The following BRCA2 variants were observed in gnomAD, a reference collection of about 807,000 sequenced individuals.
BRCA2 encodes breast cancer type 2 susceptibility protein.
BRCA2 carries 203 observed loss-of-function variants against 276.7 expected under a neutral mutation model. The observed-to-expected ratio is 0.73, with a 90% confidence interval of 0.65 to 0.82. The LOEUF is 0.82. Among genes scored for constraint, BRCA2 ranks in the 40% least tolerant of loss-of-function variants. BRCA2 has a pLI of 0.00. For missense variants in BRCA2, 3,920 were observed against 3,915.0 expected (o/e 1.00, Z -0.03); for synonymous variants, 1,289 against 1,338.4 (o/e 0.96, Z 0.81).
Position 32,346,867 on chromosome 13 carries a change from T to G in BRCA2, c.6978T>G (p.Ser2326=). 6.2e-7 allele frequency: 1 copy of G among 1,610,586 alleles called. No individual in the cohort carries two copies. The highest frequency in any genetic ancestry group is 8.5e-7 in the Non-Finnish European group (1 of 1,178,126). The stretch of plus-strand genomic sequence containing the variant: ...GAAGATTGTTTATGCATCATGTTTC[T>G]TTAGAGCCGATTACCTGTGTACCCT... The part of the protein sequence containing the change: ...KDRRLFMHHV[S]LEPITCVPFR... The change falls in exon 13 of 27, where the codon TCT becomes TCG. Residue 2326 remains serine (S), a synonymous_variant. Coordinates refer to ENST00000380152, the MANE Select transcript of BRCA2 (RefSeq NM_000059.4).
At chr13:32,317,354 T>C (rs530449570) in intron 2 of BRCA2, among the ~76,000 whole-genome samples, 1 of 152,372 alleles carries the variant, frequency 6.6e-6, no homozygotes, top group African/African-American at 2.4e-5. Flanking sequence ...CAGTTCTCTT[T>C]AATGTCTGGC....
Position 32,362,728 on chromosome 13 carries a change from C to T in BRCA2, c.7976+35C>T, listed in dbSNP as rs181176701. 8.1e-6 allele frequency: 13 copies of T among 1,607,704 alleles called. No individual in the cohort carries two copies. The highest frequency in any genetic ancestry group is 4.0e-5 in the African/African-American group (3 of 74,798). On this transcript the variant is annotated intron_variant, in intron 17 of 26. Transcript: ENST00000380152. ...AAGCATTACATTACGTAATCATATA[C>T]GGCAGTATGGTTAAGGTTTCTGTGT...
At chr13:32,374,979 G>C (rs2072861104) in intron 20 of BRCA2, among the ~76,000 whole-genome samples, 1 of 152,228 alleles carries the variant, frequency 6.6e-6, no homozygotes, top group Non-Finnish European at 1.5e-5. Flanking sequence ...TGGCTGGGGA[G>C]GCCTCAGGAA....
chr13:32,352,117 A>G lies in BRCA2; in HGVS notation c.7008-2744A>G, dbSNP rs555338230. Among the ~76,000 whole-genome samples, 423 of 152,190 alleles carry G rather than the reference A, an allele frequency of 2.8e-3. 4 individuals carry two copies. The highest frequency in any genetic ancestry group is 9.3e-3 in the African/African-American group (388 of 41,536). Reference sequence around the variant, plus strand: ...TACCAGGCCTAATGTTACCTTTTCAAAAACACCTGATTGTGGAATTGTTGA... The same window carrying G: ...TACCAGGCCTAATGTTACCTTTTCAGAAACACCTGATTGTGGAATTGTTGA... On this transcript the variant is annotated intron_variant, in intron 13 of 26. Coordinates refer to ENST00000380152, the MANE Select transcript of BRCA2 (RefSeq NM_000059.4).
rs1566228707 is a variant in BRCA2 at position 32,337,867 on chromosome 13, C to T, written c.3512C>T (p.Pro1171Leu). Residue 1171 changes from proline to leucine, a missense_variant, in exon 11 of 27, where the codon CCA becomes CTA. Pro to Leu is a moderately conservative substitution (Grantham distance 98, BLOSUM62 -3). Around this residue, in one of 2 missense-constraint regions of BRCA2, gnomAD observed 3,263 missense variants for 3,156.9 expected, o/e 1.03. Coordinates refer to ENST00000380152, the MANE Select transcript of BRCA2 (RefSeq NM_000059.4). ...DADLHVIMNA[P>L]SIGQVDSSKQ... ...GATCTTCATGTCATAATGAATGCCC[C>T]ATCGATTGGTCAGGTAGACAGCAGC... 2 of 1,614,016 alleles carry T rather than the reference C, an allele frequency of 1.2e-6. No homozygotes were observed. The highest frequency in any genetic ancestry group is 1.7e-6 in the Non-Finnish European group (2 of 1,179,952).
chr13:32,396,174 A>G (rs1000373744), intron 25 of BRCA2: 4 of 170,028 alleles, frequency 2.4e-5, no homozygotes, highest in African/African-American at 7.2e-5. Context: ...TGGTTTCACC[A>G]TGTTGGGCAG....
intron 10 of BRCA2, among the ~76,000 whole-genome samples, chr13:32,335,818 C>G (rs1474271737): frequency 1.3e-5 from 2 of 151,870 alleles, no homozygotes; most frequent in Non-Finnish European, 2.9e-5. Flanking sequence ...ATTCTTTCTG[C>G]TTTAAATTTG....
chr13:32,341,931 A>G (rs2072574332), intron 11 of BRCA2, among the ~76,000 whole-genome samples: 1 of 151,918 alleles, frequency 6.6e-6, no homozygotes, highest in African/African-American at 2.4e-5. Flanking sequence ...CTACTTAGTT[A>G]CACTACTTAC....
chr13:32,326,011 A>G, intron 4 of BRCA2, 90 bp from the exon 5 acceptor site: 2 of 1,146,412 alleles, frequency 1.7e-6, no homozygotes, highest in South Asian at 1.4e-5. Context: ...AACAATTTAT[A>G]TGAATGAGAA....
At chr13:32,373,576 C>T (rs1566250247) in intron 20 of BRCA2, among the ~76,000 whole-genome samples, 1 of 152,176 alleles carries the variant, frequency 6.6e-6, no homozygotes, top group Non-Finnish European at 1.5e-5. Context: ...CCAGGCCAGT[C>T]ATTAAAGCTC....
At chr13:32,351,661 A>G (rs1426692411) in intron 13 of BRCA2, among the ~76,000 whole-genome samples, 1 of 152,188 alleles carries the variant, frequency 6.6e-6, no homozygotes, top group Non-Finnish European at 1.5e-5. Context: ...TCAAGAAGAA[A>G]CATGTCACTT....
At chr13:32,342,812 G>A (rs1368061763) in intron 11 of BRCA2, among the ~76,000 whole-genome samples, 2 of 152,178 alleles carry the variant, frequency 1.3e-5, no homozygotes, top group Non-Finnish European at 2.9e-5. Context: ...TTGGGAGGCT[G>A]AGGCAGGCGG....
intron 18 of BRCA2, among the ~76,000 whole-genome samples, chr13:32,365,721 C>CTTTTTTTTTTTTTTTTTTTTT (rs36116910): frequency 1.9e-5 from 2 of 105,876 alleles, no homozygotes; most frequent in African/African-American, 3.6e-5. Flanking sequence ...ACTTTGGTGT[C>CTTTTTTTTTTTTTTTTTTTTT]TTTTTTTTTT....
intron 20 of BRCA2, among the ~76,000 whole-genome samples, chr13:32,374,373 C>A (rs990942094): frequency 6.6e-6 from 1 of 152,222 alleles, no homozygotes; most frequent in Non-Finnish European, 1.5e-5. Context: ...GGTTAGGCTG[C>A]AGATTTTCCA....
chr13:32,355,922 A>G (rs771180333), intron 14 of BRCA2, among the ~76,000 whole-genome samples: 15 of 152,052 alleles, frequency 9.9e-5, no homozygotes, highest in Non-Finnish European at 1.9e-4. Flanking sequence ...ATATTTATAC[A>G]GCTTTACAAG....
At chr13:32,375,600 G>A (rs951752113) in intron 20 of BRCA2, among the ~76,000 whole-genome samples, 1 of 137,344 alleles carries the variant, frequency 7.3e-6, no homozygotes, top group African/African-American at 2.7e-5. Flanking sequence ...CGCACTTGTT[G>A]CCCAGGCTGG....
intron 4 of BRCA2, among the ~76,000 whole-genome samples, chr13:32,325,571 GTC>G (rs2072339012): frequency 6.8e-6 from 1 of 146,610 alleles, no homozygotes; most frequent in Non-Finnish European, 1.5e-5. Context: ...TTGAGATGGA[GTC>G]TCTGTCACCC....
chr13:32,371,737 T>C (rs2072836277), intron 20 of BRCA2, among the ~76,000 whole-genome samples: 1 of 152,182 alleles, frequency 6.6e-6, no homozygotes, highest in African/African-American at 2.4e-5. Flanking sequence ...TCAGAGATAC[T>C]GTGGATTTGA....
chr13:32,322,302 G>T (rs2072311074), intron 3 of BRCA2, among the ~76,000 whole-genome samples: 1 of 152,198 alleles, frequency 6.6e-6, no homozygotes, highest in Non-Finnish European at 1.5e-5. Context: ...CAGCTCGATT[G>T]TAGAGACCCT....
Sources: gnomAD v4.1 joint callset for allele counts (sites outside exome capture counted in the v4.1 genomes callset) on GRCh38, gnomAD v4.1.1 for gene constraint, gnomAD v4.1.1 regional missense constraint, MANE v1.5 for transcripts, NCBI Gene and HGNC (gene_info 2026-07-23, HGNC 2026-07-21) for gene names.